Variants in MYO3A observed in about 807,000 individuals in gnomAD.
MYO3A encodes the protein myosin IIIA.
Under a neutral mutation model 192.7 loss-of-function variants are expected in MYO3A, and 180 were observed. The observed-to-expected ratio is 0.93, with a 90% CI of 0.83 to 1.06. The LOEUF is 1.06. Among genes scored for constraint, MYO3A ranks in the 50% least tolerant of loss-of-function variants. MYO3A has a pLI of 0.00. For missense variants in MYO3A, 1,896 were observed against 1,905.0 expected (o/e 1.00, Z 0.09); for synonymous variants, 628 against 645.3 (o/e 0.97, Z 0.41).
chr10:26,176,721 A>C lies in MYO3A; in HGVS notation c.4314A>C (p.Glu1438Asp), dbSNP rs200683832. ...TTTAGATATCAAAGTTATCTGAAGAATATTTCATTCTGCAGAAAAAATTGA... is the reference window on the plus strand; with the variant it reads ...TTTAGATATCAAAGTTATCTGAAGACTATTTCATTCTGCAGAAAAAATTGA... The part of the protein sequence containing the change: ...FSKQISKLSE[E>D]YFILQKKLNE... Residue 1438 changes from glutamate to aspartate, a missense_variant, in exon 31 of 35, where the codon GAA (glutamate) becomes GAC (aspartate). Physicochemically the swap from Glu to Asp is conservative, Grantham distance 45. Transcript: ENST00000642920. The C allele has an allele frequency of 1.2e-6, 2 of 1,610,210 alleles. No individual in the cohort carries two copies. Among genetic ancestry groups the C allele is most frequent in the East Asian group, 2.2e-5 (1 of 44,832 alleles).
chr10:26,024,811 G>A (rs1842467009), intron 9 of MYO3A, among the ~76,000 whole-genome samples: 1 of 152,104 alleles, frequency 6.6e-6, no homozygotes, highest in Non-Finnish European at 1.5e-5. Flanking sequence ...ACATTTCCTG[G>A]TTTCTGCCAA....
chr10:25,934,335 G>T lies in MYO3A; in HGVS notation c.-105+7G>T, dbSNP rs1588615833. On this transcript the variant is annotated splice_region_variant and intron_variant, in intron 1 of 34. Coordinates refer to ENST00000642920, the MANE Select transcript of MYO3A (RefSeq NM_017433.5). ...CGCCCGGCTTCCCGCCCAGGTACGT[G>T]TCGGGACAGCGCAGGGGACTGGCTT... The T allele has an allele frequency of 1.3e-5, 2 of 152,202 alleles. No homozygotes were observed. The highest frequency in any genetic ancestry group is 2.4e-5 in the African/African-American group (1 of 41,432). 9.4% of individuals were successfully genotyped at this position (152,202 alleles called of 1,614,324 possible).
intron 34 of MYO3A, among the ~76,000 whole-genome samples, chr10:26,209,716 A>G (rs1589130239): frequency 6.6e-6 from 1 of 152,126 alleles, no homozygotes; most frequent in East Asian, 1.9e-4. Context: ...GACTTTTCTC[A>G]TTTCACTGAT....
chr10:25,975,136 A>G (rs1052063617), intron 4 of MYO3A, among the ~76,000 whole-genome samples: 2 of 152,168 alleles, frequency 1.3e-5, no homozygotes, highest in African/African-American at 4.8e-5. Flanking sequence ...GTTATCTTGT[A>G]TGTAATATGC....
At chr10:26,020,784 C>T (rs1381005082) in intron 7 of MYO3A, among the ~76,000 whole-genome samples, 1 of 151,896 alleles carries the variant, frequency 6.6e-6, no homozygotes, top group Non-Finnish European at 1.5e-5. Context: ...AATAATTTCT[C>T]TATCTAATAC....
At position 26,212,113 on chromosome 10, in the gene MYO3A, T is replaced by G. The variant is rs1435227842; in HGVS notation, c.*150T>G. On this transcript the variant is annotated 3_prime_UTR_variant, in exon 35 of 35. Coordinates refer to ENST00000642920, the MANE Select transcript of MYO3A (RefSeq NM_017433.5). ...CTGCCTGCTGCGCTCGGCCCTCAAG[T>G]GCCCGGGCCGGCCTTCGTGCTCCGA... 8.3e-7 allele frequency: 1 copy of G among 1,204,516 alleles called. No homozygotes were observed. The highest frequency in any genetic ancestry group is 2.9e-5 in the Admixed American group (1 of 34,010). 74.6% of individuals were successfully genotyped at this position (1,204,516 alleles called of 1,614,324 possible).
chr10:26,116,200 G>C (rs1286363352), intron 17 of MYO3A, among the ~76,000 whole-genome samples: 2 of 152,206 alleles, frequency 1.3e-5, no homozygotes, highest in Non-Finnish European at 2.9e-5. Flanking sequence ...CTCAAAGTCT[G>C]AGATTAGGAT....
chr10:26,186,074 A>G (rs1438951521), intron 31 of MYO3A, among the ~76,000 whole-genome samples: 1 of 152,222 alleles, frequency 6.6e-6, no homozygotes, highest in South Asian at 2.1e-4. Context: ...TGCAGTAAAT[A>G]TCATTGAAAA....
intron 22 of MYO3A, among the ~76,000 whole-genome samples, chr10:26,147,027 C>T (rs1197433142): frequency 6.6e-6 from 1 of 152,166 alleles, no homozygotes; most frequent in Non-Finnish European, 1.5e-5. Context: ...CACACTACTA[C>T]TGAGATAAAA....
At chr10:26,131,996 G>A (rs151323857) in intron 20 of MYO3A, among the ~76,000 whole-genome samples, 14 of 152,178 alleles carry the variant, frequency 9.2e-5, no homozygotes, top group African/African-American at 2.7e-4. Context: ...TTCAGCCTTC[G>A]CTATTACATT....
intron 26 of MYO3A, among the ~76,000 whole-genome samples, chr10:26,161,819 A>G (rs752352810): frequency 6.6e-5 from 10 of 152,256 alleles, no homozygotes; most frequent in East Asian, 1.9e-4. Context: ...CCTATGACCT[A>G]TAGTGGCCTA....
chr10:26,159,560 TATTA>T (rs1458141098), intron 26 of MYO3A, among the ~76,000 whole-genome samples: 2 of 151,060 alleles, frequency 1.3e-5, no homozygotes, highest in African/African-American at 4.9e-5. Context: ...TTTGTATTTT[TATTA>T]GAGAAGGGGT....
chr10:26,212,168 CT>C lies in MYO3A; in HGVS notation c.*206del. On this transcript the variant is annotated 3_prime_UTR_variant, in exon 35 of 35. Coordinates refer to ENST00000642920, the MANE Select transcript of MYO3A (RefSeq NM_017433.5). ...AGAGACCTGGGAGCCCTCGGGAAAC[CT>C]CCCCCGACGCTCTCTCTCGGAACTC... 1 of 687,134 alleles carries C rather than the reference CT, an allele frequency of 1.5e-6. No individual in the cohort carries two copies. 42.6% of individuals were successfully genotyped at this position (687,134 alleles called of 1,614,324 possible).
At chr10:26,117,597 G>A (rs982323888) in intron 17 of MYO3A, among the ~76,000 whole-genome samples, 4 of 152,082 alleles carry the variant, frequency 2.6e-5, no homozygotes, top group Admixed American at 6.6e-5. Flanking sequence ...TGCAGTATTT[G>A]GTTTTCTGTT....
At chr10:26,026,109 A>AGGC (rs1842526690) in intron 9 of MYO3A, among the ~76,000 whole-genome samples, 2 of 137,268 alleles carry the variant, frequency 1.5e-5, no homozygotes, top group Non-Finnish European at 3.4e-5. Flanking sequence ...CCTTACTGGG[A>AGGC]GACGACAGAA....
intron 31 of MYO3A, among the ~76,000 whole-genome samples, chr10:26,187,070 G>C (rs888265077): frequency 6.6e-6 from 1 of 152,132 alleles, no homozygotes; most frequent in African/African-American, 2.4e-5. Flanking sequence ...GTTCACAGAA[G>C]TATATGAATA....
At chr10:26,123,192 A>T (rs1247413627) in intron 18 of MYO3A, among the ~76,000 whole-genome samples, 1 of 152,244 alleles carries the variant, frequency 6.6e-6, no homozygotes, top group Non-Finnish European at 1.5e-5. Context: ...TCAAAAGCAC[A>T]AATTATTTTC....
At chr10:26,060,133 C>G (rs1403902746) in intron 10 of MYO3A, among the ~76,000 whole-genome samples, 2 of 152,030 alleles carry the variant, frequency 1.3e-5, no homozygotes, top group African/African-American at 2.4e-5. Flanking sequence ...GTGGCGCATG[C>G]CTGTAATCCC....
chr10:26,128,952 A>T (rs1839381987), intron 20 of MYO3A, among the ~76,000 whole-genome samples: 1 of 152,212 alleles, frequency 6.6e-6, no homozygotes, highest in South Asian at 2.1e-4. Context: ...AGGCAACAGA[A>T]TATAAGATAA....
Sources: allele counts gnomAD v4.1 joint callset (sites outside exome capture counted in the v4.1 genomes callset), GRCh38; gene constraint gnomAD v4.1.1; transcripts MANE v1.5; gene names NCBI Gene and HGNC (gene_info 2026-07-23, HGNC 2026-07-21).